The following RFC1 variants were observed in gnomAD, a reference collection of about 807,000 sequenced individuals.
RFC1 encodes the protein A1 140 kDa subunit.
A neutral mutation model predicts 137.4 loss-of-function variants in RFC1; 37 were observed. The observed-to-expected ratio is 0.27, with a 90% confidence interval of 0.21 to 0.35. RFC1 has a LOEUF of 0.35. Among genes scored for constraint, RFC1 ranks in the 10% least tolerant of loss-of-function variants. The pLI, the probability that RFC1 is intolerant of heterozygous loss-of-function variation, is 1.00. For synonymous variants in RFC1, 429 were observed against 455.7 expected (o/e 0.94, Z 0.75); for missense variants, 1,205 against 1,358.5 (o/e 0.89, Z 1.78).
chr4:39,329,422 T>A (rs1258966324), intron 4 of RFC1, among the ~76,000 whole-genome samples: 2 of 151,824 alleles, frequency 1.3e-5, no homozygotes, highest in Non-Finnish European at 2.9e-5. Context: ...AAACCCCATC[T>A]CTACTAAAAT....
intron 6 of RFC1, among the ~76,000 whole-genome samples, chr4:39,325,541 C>T (rs1343934953): frequency 1.3e-5 from 2 of 152,112 alleles, no homozygotes; most frequent in African/African-American, 2.4e-5. Context: ...CACCACCATG[C>T]CCAGTTGATT....
intron 1 of RFC1, among the ~76,000 whole-genome samples, chr4:39,358,508 C>T (rs1185095249): frequency 6.6e-6 from 1 of 152,038 alleles, no homozygotes. Flanking sequence ...TTGTGGAAAA[C>T]GCACCGTGAG....
intron 3 of RFC1, among the ~76,000 whole-genome samples, chr4:39,342,907 G>A (rs1740674625): frequency 6.6e-6 from 1 of 152,144 alleles, no homozygotes; most frequent in South Asian, 2.1e-4. Flanking sequence ...AAGCCCTCAC[G>A]TTGCCATCTC....
At chr4:39,366,101 C>T (rs1317324729) in intron 1 of RFC1, 138 bp downstream of exon 1, 1 of 914,000 alleles carries the variant, frequency 1.1e-6, no homozygotes, top group East Asian at 3.2e-5. Context: ...GGTGTGCGGC[C>T]CCTTCTCTGC....
At position 39,306,714 on chromosome 4, in the gene RFC1, A is replaced by G. The variant is rs1738685359; in HGVS notation, c.1886-13T>C. 1 of 1,535,882 alleles carries G rather than the reference A, an allele frequency of 6.5e-7. No individual in the cohort carries two copies. The highest frequency in any genetic ancestry group is 9.0e-7 in the Non-Finnish European group (1 of 1,108,928). On this transcript the variant is annotated splice_polypyrimidine_tract_variant and intron_variant, in intron 13 of 24. Transcript: ENST00000349703. ...TTACCAAACTTTGCTGCTAGGAAAA[A>G]AGAAGTTCCAGAGTGTCAACCTATA... is the stretch of plus-strand genomic sequence containing the variant.
At chr4:39,365,611 T>C (rs906090696) in intron 1 of RFC1, 9 of 356,734 alleles carry the variant, frequency 2.5e-5, no homozygotes, top group Non-Finnish European at 3.1e-5. Flanking sequence ...ATGTCTTGCA[T>C]CTGTTTCTAT....
intron 1 of RFC1, among the ~76,000 whole-genome samples, chr4:39,356,322 C>T (rs1165424850): frequency 6.6e-6 from 1 of 152,020 alleles, no homozygotes; most frequent in African/African-American, 2.4e-5. Flanking sequence ...CGGCTTGAGC[C>T]CGGGAAGTGG....
intron 22 of RFC1, among the ~76,000 whole-genome samples, chr4:39,293,743 G>T (rs948274168): frequency 2.6e-5 from 4 of 152,142 alleles, no homozygotes; most frequent in African/African-American, 9.7e-5. Flanking sequence ...AAACAACCCG[G>T]AAGTCCAGGG....
intron 4 of RFC1, among the ~76,000 whole-genome samples, chr4:39,329,462 C>T (rs774494145): frequency 2.6e-5 from 4 of 151,736 alleles, no homozygotes; most frequent in Admixed American, 6.6e-5. Flanking sequence ...TAGCGGTGCG[C>T]GCCTGTAGTC....
At chr4:39,306,351 C>T (rs753374760) in intron 14 of RFC1, among the ~76,000 whole-genome samples, 2 of 152,156 alleles carry the variant, frequency 1.3e-5, no homozygotes, top group Non-Finnish European at 2.9e-5. Context: ...TAGTACACTG[C>T]CTCGCTCGTT....
chr4:39,326,193 C>G (rs1739755232), intron 6 of RFC1, among the ~76,000 whole-genome samples: 1 of 152,156 alleles, frequency 6.6e-6, no homozygotes, highest in Admixed American at 6.5e-5. Flanking sequence ...AAGCGAGACT[C>G]TGTCTCAAAA....
Position 39,320,235 on chromosome 4 carries a change from G to C in RFC1, c.1095+148C>G, listed in dbSNP as rs1008777446. ...ATGGTGGCACATGCCTGTAATCCCA[G>C]CTACTTGGGAGGCTGAGGCAGGTGA... On this transcript the variant is annotated intron_variant, in intron 9 of 24. Transcript: ENST00000349703. 7 of 606,138 alleles carry C rather than the reference G, an allele frequency of 1.2e-5. No homozygotes were observed. The African/African-American group carries it at 1.4e-4, about 12-fold the overall frequency. The allele number at this position is 606,138 out of a possible 1,614,324, so 37.5% of individuals were successfully genotyped here. A position where few individuals can be genotyped will look rare whatever the true frequency, so the allele number is the denominator to read the frequency against.
chr4:39,348,446 A>AGAG (rs1303697044), intron 2 of RFC1, among the ~76,000 whole-genome samples: 2 of 125,240 alleles, frequency 1.6e-5, no homozygotes, highest in Non-Finnish European at 1.9e-5. Context: ...AAAGAAAAGA[A>AGAG]AAGAAAAGAA....
intron 10 of RFC1, among the ~76,000 whole-genome samples, chr4:39,313,434 T>C (rs987907337): frequency 1.3e-5 from 2 of 152,220 alleles, no homozygotes; most frequent in African/African-American, 4.8e-5. Flanking sequence ...TCACTTCTTA[T>C]CATTTTCAAA....
At chr4:39,358,378 G>C (rs73139872) in intron 1 of RFC1, among the ~76,000 whole-genome samples, 3,218 of 152,292 alleles carry the variant, frequency 0.021, 101 homozygotes, top group African/African-American at 0.073. Context: ...TAATAGCTTA[G>C]ATATAAAGTC....
intron 1 of RFC1, among the ~76,000 whole-genome samples, chr4:39,358,994 AG>A (rs1181401669): frequency 6.6e-6 from 1 of 152,148 alleles, no homozygotes; most frequent in Non-Finnish European, 1.5e-5. Context: ...AATCTCCCAA[AG>A]GTGCCTCTAA....
Position 39,295,302 on chromosome 4 carries a change from C to T in RFC1, c.2954+312G>A, listed in dbSNP as rs1737924098. On this transcript the variant is annotated intron_variant, in intron 22 of 24. Coordinates refer to ENST00000349703, the MANE Select transcript of RFC1 (RefSeq NM_002913.5). ...TTATTCTGAAGCTGCGAAGCTATTC[C>T]CACTAATAGGCATAATAACAATAAC... Among the ~76,000 whole-genome samples, 5 of 152,240 alleles carry T rather than the reference C, an allele frequency of 3.3e-5. No individual in the cohort carries two copies. In the South Asian group the frequency reaches 1.0e-3, roughly 32 times the overall value.
At chr4:39,341,061 G>T (rs897079461) in intron 4 of RFC1, among the ~76,000 whole-genome samples, 7 of 152,148 alleles carry the variant, frequency 4.6e-5, no homozygotes, top group African/African-American at 1.7e-4. Context: ...AAAATTGCTT[G>T]TCTGAAATAA....
rs886476282 is a variant in RFC1, at chr4:39,337,246, C to T, written c.331+5099G>A. Reference sequence around the variant, plus strand: ...AAAATTAGCCAGGCATGGCGGTGCACGCCTGTAATCTCAGCTACTCAGAAG... The same window carrying T: ...AAAATTAGCCAGGCATGGCGGTGCATGCCTGTAATCTCAGCTACTCAGAAG... On this transcript the variant is annotated intron_variant, in intron 4 of 24. Transcript: ENST00000349703. Among the ~76,000 whole-genome samples the T allele has an allele frequency of 3.9e-5, 6 of 152,130 alleles. No individual in the cohort carries two copies. The East Asian group carries it at 7.7e-4, about 20-fold the overall frequency.
Sources: allele counts gnomAD v4.1 joint callset (sites outside exome capture counted in the v4.1 genomes callset), GRCh38; gene constraint gnomAD v4.1.1; transcripts MANE v1.5; gene names NCBI Gene and HGNC (gene_info 2026-07-23, HGNC 2026-07-21).